DOCK8: variants seen among roughly 807,000 people sequenced by gnomAD.
DOCK8 encodes the protein dedicator of cytokinesis protein 8.
In DOCK8, 141 loss-of-function variants were observed where a neutral mutation model predicts 245.6. The ratio of observed to expected loss-of-function variants is 0.57; its 90% CI spans 0.50 to 0.66. The LOEUF (loss-of-function observed/expected upper bound fraction) is 0.66. Ranked by LOEUF, DOCK8 falls within the 30% of genes least tolerant of loss-of-function variation. The pLI is 0.00. For missense variants in DOCK8, 2,965 were observed against 2,603.4 expected (o/e 1.14, Z -3.02); for synonymous variants, 1,168 against 970.2 (o/e 1.20, Z -3.79).
At position 359,803 on chromosome 9, in the gene DOCK8, CAAAAAAA is replaced by C. The variant is rs67236172; in HGVS notation, c.1680-8200_1680-8194del. 5.2e-4 allele frequency among the ~76,000 whole-genome samples: 56 copies of C among 108,520 alleles called. 1 individual carries two copies. Among genetic ancestry groups the C allele is most frequent in the Middle Eastern group, 8.9e-3 (2 of 224 alleles). The allele number at this position is 108,520 out of a possible 152,430, so 71.2% of individuals were successfully genotyped here. ...CATCAATTTTTTGGCTCTGTCTTTG[CAAAAAAA>C]AAAAAAAAAAAAAATTACAGAGGGA... On this transcript the variant is annotated intron_variant, in intron 14 of 47. Transcript: ENST00000432829.
chr9:214,839 A>G, upstream of DOCK8: 1 of 1,600,856 alleles, frequency 6.2e-7, no homozygotes, highest in South Asian at 1.1e-5. Context: ...TAGAAGGTGG[A>G]AATGCGGAAG....
intron 32 of DOCK8, 68 bp downstream of exon 32, chr9:421,146 C>T (rs1266835668): frequency 1.3e-6 from 2 of 1,593,826 alleles, no homozygotes; most frequent in African/African-American, 2.7e-5. Flanking sequence ...GAGGAATGTC[C>T]TCCCAACATG....
At position 417,968 on chromosome 9, in the gene DOCK8, G is replaced by A; in HGVS notation, c.3701-100G>A. On this transcript the variant is annotated intron_variant, in intron 29 of 47. Coordinates refer to ENST00000432829, the MANE Select transcript of DOCK8 (RefSeq NM_203447.4). ...TAAACATCAGGTTTGAAATTACTGT[G>A]CTGACTTTAGTGACTGAGAAGTATC... 2.0e-6 allele frequency: 3 copies of A among 1,498,200 alleles called. No homozygotes were observed. The South Asian group carries it at 3.5e-5, about 17-fold the overall frequency. The allele number at this position is 1,498,200 out of a possible 1,614,324, so 92.8% of individuals were successfully genotyped here.
At chr9:265,312 C>T (rs896078513) in intron 1 of DOCK8, among the ~76,000 whole-genome samples, 2 of 152,188 alleles carry the variant, frequency 1.3e-5, no homozygotes, top group African/African-American at 4.8e-5. Flanking sequence ...GTGTAACAAC[C>T]TTTCACTGCT....
intron 45 of DOCK8, among the ~76,000 whole-genome samples, chr9:450,269 G>A (rs12684184): frequency 0.15 from 22,386 of 152,072 alleles, 2,370 homozygotes; most frequent in East Asian, 0.49. Flanking sequence ...ACCAATTCAC[G>A]CAGAGTAATT....
chr9:366,869 A>C (rs1477089879), intron 14 of DOCK8, among the ~76,000 whole-genome samples: 1 of 152,208 alleles, frequency 6.6e-6, no homozygotes, highest in African/African-American at 2.4e-5. Flanking sequence ...TAGAAAATTA[A>C]GGCAAACTTG....
chr9:438,010 A>G (rs2056959017), intron 39 of DOCK8, among the ~76,000 whole-genome samples: 2 of 152,258 alleles, frequency 1.3e-5, no homozygotes, highest in South Asian at 4.1e-4. Context: ...AATTTCTTGG[A>G]TCTTCTGTTG....
intron 28 of DOCK8, among the ~76,000 whole-genome samples, chr9:412,417 A>AG (rs1460950109): frequency 6.6e-6 from 1 of 151,554 alleles, no homozygotes; most frequent in East Asian, 1.9e-4. Flanking sequence ...AAAAAAAAAA[A>AG]AAAAGAAAAA....
At chr9:422,184 A>T in intron 33 of DOCK8, 49 bp downstream of exon 33, 2 of 1,518,458 alleles carry the variant, frequency 1.3e-6, no homozygotes, top group Admixed American at 1.7e-5. Flanking sequence ...GTCCAAAACT[A>T]TTTTTCCCAG....
chr9:216,597 G>C lies in DOCK8; in HGVS notation c.53+1568G>C, dbSNP rs186955989. Among the ~76,000 whole-genome samples the C allele has an allele frequency of 1.2e-3, 187 of 150,240 alleles. 2 individuals carry two copies. Among genetic ancestry groups the C allele is most frequent in the African/African-American group, 4.5e-3 (183 of 40,840 alleles). On this transcript the variant is annotated intron_variant, in intron 1 of 47. Coordinates refer to ENST00000432829, the MANE Select transcript of DOCK8 (RefSeq NM_203447.4). ...AAGTATATCAGGGATCTCCCTATGG[G>C]AATTTTTTTCTACATTAAGGTTCAT...
rs767934459 is a variant in DOCK8 at position 432,062 on chromosome 9, G to A, written c.4627-104G>A. On this transcript the variant is annotated intron_variant, in intron 36 of 47. Transcript: ENST00000432829. ...GAGGAAATAATTAAGACGGGGCAAAGGAAACACTGAGGAGTTGTTTGTGTC... is the reference window on the plus strand; with the variant it reads ...GAGGAAATAATTAAGACGGGGCAAAAGAAACACTGAGGAGTTGTTTGTGTC... 109 of 1,189,654 alleles carry A rather than the reference G, an allele frequency of 9.2e-5. 1 individual carries two copies. Among genetic ancestry groups the A allele is most frequent in the Middle Eastern group, 2.0e-4 (1 of 5,058 alleles). The allele number at this position is 1,189,654 out of a possible 1,614,324, so 73.7% of individuals were successfully genotyped here.
chr9:299,651 A>C (rs1045255078), intron 4 of DOCK8, among the ~76,000 whole-genome samples: 1 of 151,388 alleles, frequency 6.6e-6, no homozygotes, highest in African/African-American at 2.4e-5. Context: ...CATTTCCCCA[A>C]TTTAGCCTGC....
chr9:282,238 A>C (rs1185124708), intron 2 of DOCK8, among the ~76,000 whole-genome samples: 1 of 152,104 alleles, frequency 6.6e-6, no homozygotes, highest in South Asian at 2.1e-4. Flanking sequence ...TCAGGAGCTC[A>C]GTATGCCCTA....
intron 1 of DOCK8, among the ~76,000 whole-genome samples, chr9:244,113 G>C (rs1026069544): frequency 6.6e-6 from 1 of 150,956 alleles, no homozygotes; most frequent in South Asian, 2.1e-4. Context: ...GCGTGAACCC[G>C]GGAGGTGGAG....
At chr9:293,654 CCTT>C (rs1160588058) in intron 4 of DOCK8, among the ~76,000 whole-genome samples, 1 of 152,192 alleles carries the variant, frequency 6.6e-6, no homozygotes, top group African/African-American at 2.4e-5. Context: ...TTTGGTACAT[CCTT>C]CTCTTTCCAG....
intron 44 of DOCK8, among the ~76,000 whole-genome samples, chr9:449,086 C>A (rs1213037283): frequency 1.3e-5 from 2 of 152,322 alleles, no homozygotes; most frequent in East Asian, 1.9e-4. Flanking sequence ...TGCGGTGGCT[C>A]TTGCCTGTAA....
chr9:287,491 C>T (rs889961233), intron 3 of DOCK8, among the ~76,000 whole-genome samples: 4 of 152,178 alleles, frequency 2.6e-5, no homozygotes, highest in Admixed American at 6.5e-5. Context: ...GAAAGAAGAT[C>T]CTGACACACA....
chr9:219,219 C>G (rs991282468), intron 1 of DOCK8, among the ~76,000 whole-genome samples: 1 of 152,168 alleles, frequency 6.6e-6, no homozygotes, highest in African/African-American at 2.4e-5. Flanking sequence ...CCTGTAATCT[C>G]AGCATTTTGG....
chr9:441,960 A>G lies in DOCK8; in HGVS notation c.5441A>G (p.Tyr1814Cys), dbSNP rs2057107826. ...GATTTGGATGAACAGGAGTTTGTCTACAAAGAGCCTGCAATTACCAAGCTT... is the reference window on the plus strand; with the variant it reads ...GATTTGGATGAACAGGAGTTTGTCTGCAAAGAGCCTGCAATTACCAAGCTT... Reference protein sequence around the residue: ...FGDLDEQEFVYKEPAITKLPE... With the variant: ...FGDLDEQEFVCKEPAITKLPE... The change falls in exon 42 of 48, where the codon TAC becomes TGC. Residue 1814 changes from tyrosine to cysteine, a missense_variant. By Grantham distance (194) the Tyr-to-Cys change is radical. Coordinates refer to ENST00000432829, the MANE Select transcript of DOCK8 (RefSeq NM_203447.4). 6.2e-7 allele frequency: 1 copy of G among 1,614,166 alleles called. No individual in the cohort carries two copies. Among genetic ancestry groups the G allele is most frequent in the Non-Finnish European group, 8.5e-7 (1 of 1,180,024 alleles).
Sources: gnomAD v4.1 joint callset for allele counts (sites outside exome capture counted in the v4.1 genomes callset) on GRCh38, gnomAD v4.1.1 for gene constraint, MANE v1.5 for transcripts, NCBI Gene and HGNC (gene_info 2026-07-23, HGNC 2026-07-21) for gene names.